CSMD1: variants seen among roughly 807,000 people sequenced by gnomAD.
The protein encoded by CSMD1 is CUB and Sushi multiple domains 1.
In CSMD1, 213 loss-of-function variants were observed where a neutral mutation model predicts 417.5. That is an observed-to-expected ratio of 0.51 (90% CI 0.46 to 0.57). CSMD1 has a LOEUF of 0.57. Among genes scored for constraint, CSMD1 ranks in the 20% least tolerant of loss-of-function variants. The probability of loss-of-function intolerance (pLI) is 0.00; values close to 1 mark genes in which losing one functional copy is unlikely to be tolerated. For missense variants in CSMD1, 6,923 were observed against 4,529.7 expected (o/e 1.53, Z -15.17); for synonymous variants, 2,862 against 1,736.8 (o/e 1.65, Z -16.11).
At chr8:3,974,587 T>G (rs1214564011) in intron 5 of CSMD1, among the ~76,000 whole-genome samples, 1 of 152,068 alleles carries the variant, frequency 6.6e-6, no homozygotes, top group Non-Finnish European at 1.5e-5. Context: ...CAATCCTTTT[T>G]CTAATAACAA....
chr8:3,801,611 C>T (rs1256897090), intron 5 of CSMD1, among the ~76,000 whole-genome samples: 1 of 148,930 alleles, frequency 6.7e-6, no homozygotes, highest in Non-Finnish European at 1.5e-5. Context: ...TAAAGAATTC[C>T]ACTCCTAGTT....
chr8:3,740,208 T>G (rs1039994726), intron 6 of CSMD1, among the ~76,000 whole-genome samples: 1 of 152,162 alleles, frequency 6.6e-6, no homozygotes, highest in African/African-American at 2.4e-5. Flanking sequence ...CAGGTTCAAG[T>G]GAGTCTCCTG....
At chr8:4,482,932 T>G (rs532440339) in intron 2 of CSMD1, among the ~76,000 whole-genome samples, 3 of 152,264 alleles carry the variant, frequency 2.0e-5, no homozygotes, top group Admixed American at 2.0e-4. Flanking sequence ...TTAGTAAGTA[T>G]GGGAGGCGTA....
chr8:3,366,683 G>C (rs1442250266), intron 20 of CSMD1, among the ~76,000 whole-genome samples: 2 of 152,172 alleles, frequency 1.3e-5, no homozygotes, highest in African/African-American at 4.8e-5. Flanking sequence ...CAGACCCAGA[G>C]GATGCCTCCC....
chr8:3,581,763 A>G (rs1420154247), intron 9 of CSMD1, among the ~76,000 whole-genome samples: 1 of 152,162 alleles, frequency 6.6e-6, no homozygotes, highest in African/African-American at 2.4e-5. Context: ...AGAGGCTAAG[A>G]ATGAATCAGG....
At chr8:3,330,142 T>C (rs115986637) in intron 23 of CSMD1, among the ~76,000 whole-genome samples, 1,673 of 152,198 alleles carry the variant, frequency 0.011, 39 homozygotes, top group African/African-American at 0.038. Context: ...GAAATGTCAT[T>C]CAAGAGATTT....
At chr8:4,705,156 C>T (rs1807844787) in intron 1 of CSMD1, among the ~76,000 whole-genome samples, 2 of 152,074 alleles carry the variant, frequency 1.3e-5, no homozygotes, top group African/African-American at 2.4e-5. Flanking sequence ...TTCCTCCTTC[C>T]CCTTCACCAT....
chr8:3,411,948 A>G (rs370911629), intron 12 of CSMD1, among the ~76,000 whole-genome samples: 690 of 13,142 alleles, frequency 0.053, 106 homozygotes, highest in Non-Finnish European at 0.07. Flanking sequence ...ATATGCACGT[A>G]TATATACACG....
rs74705747 is a variant in CSMD1, at chr8:3,677,756, G to T, written c.1009+30658C>A. The stretch of plus-strand genomic sequence containing the variant: ...AAAAAAGCCCTAAACTTTGTAAAAC[G>T]GAAATGAAAACTTCTATCCAGAGTA... On this transcript the variant is annotated intron_variant, in intron 7 of 69. Coordinates refer to ENST00000635120, the MANE Select transcript of CSMD1 (RefSeq NM_033225.6). Among the ~76,000 whole-genome samples the T allele has an allele frequency of 4.7e-3, 709 of 152,154 alleles. 9 individuals carry two copies. The highest frequency in any genetic ancestry group is 0.016 in the African/African-American group (673 of 41,496).
chr8:3,112,939 C>G (rs1816613931), intron 42 of CSMD1: 1 of 152,200 alleles, frequency 6.6e-6, no homozygotes, highest in Admixed American at 6.5e-5. Flanking sequence ...TCTCATTTCC[C>G]CTGGCCTGAT....
chr8:4,383,297 G>A (rs1264330437), intron 3 of CSMD1, among the ~76,000 whole-genome samples: 1 of 152,182 alleles, frequency 6.6e-6, no homozygotes, highest in Non-Finnish European at 1.5e-5. Context: ...AGATAAGAAT[G>A]TTAGGCGGTG....
At chr8:3,878,720 G>C (rs1168524948) in intron 5 of CSMD1, among the ~76,000 whole-genome samples, 3 of 152,138 alleles carry the variant, frequency 2.0e-5, no homozygotes, top group Non-Finnish European at 4.4e-5. Flanking sequence ...GAGACACTGT[G>C]TCATGGGAAA....
At chr8:4,710,101 A>C (rs960055294) in intron 1 of CSMD1, among the ~76,000 whole-genome samples, 5 of 152,102 alleles carry the variant, frequency 3.3e-5, no homozygotes, top group Admixed American at 6.5e-5. Flanking sequence ...GCCCAAGGAA[A>C]AGCAAGTTCT....
At chr8:4,210,652 A>G (rs1353544475) in intron 3 of CSMD1, among the ~76,000 whole-genome samples, 11 of 152,216 alleles carry the variant, frequency 7.2e-5, no homozygotes, top group Admixed American at 2.0e-4. Flanking sequence ...TAGCCAAGAA[A>G]AAAAAACACT....
chr8:3,656,160 T>C (rs1798092999), intron 7 of CSMD1, among the ~76,000 whole-genome samples: 1 of 152,170 alleles, frequency 6.6e-6, no homozygotes, highest in Non-Finnish European at 1.5e-5. Context: ...GGAAGGGCTG[T>C]ATGTACAGCT....
intron 68 of CSMD1, among the ~76,000 whole-genome samples, chr8:2,945,036 T>A (rs1012550801): frequency 1.3e-5 from 2 of 151,618 alleles, no homozygotes; most frequent in African/African-American, 4.9e-5. Flanking sequence ...CTGCAGCTCC[T>A]AGTTAATTTC....
chr8:3,897,054 G>T (rs1208810926), intron 5 of CSMD1, among the ~76,000 whole-genome samples: 1 of 151,808 alleles, frequency 6.6e-6, no homozygotes, highest in African/African-American at 2.4e-5. Flanking sequence ...TTTATTAAGG[G>T]AAATTATTGT....
At position 4,380,844 on chromosome 8, in the gene CSMD1, T is replaced by G. The variant is rs144006319; in HGVS notation, c.415+39109A>C. ...ATTTAGAATGTTTCTGTGTTTAATA[T>G]CTCATTATTTTATTAGTATATTACT... On this transcript the variant is annotated intron_variant, in intron 3 of 69. Transcript: ENST00000635120. Among the ~76,000 whole-genome samples, 92 of 152,296 alleles carry G rather than the reference T, an allele frequency of 6.0e-4. No homozygotes were observed. In the East Asian group the frequency reaches 7.1e-3, roughly 12 times the overall value.
intron 6 of CSMD1, among the ~76,000 whole-genome samples, chr8:3,725,884 C>G (rs1196731686): frequency 6.6e-6 from 1 of 152,110 alleles, no homozygotes; most frequent in Non-Finnish European, 1.5e-5. Flanking sequence ...TTAAACATGC[C>G]CTTGAAAAGA....
Sources: allele counts gnomAD v4.1 joint callset (sites outside exome capture counted in the v4.1 genomes callset), GRCh38; gene constraint gnomAD v4.1.1; transcripts MANE v1.5; gene names NCBI Gene and HGNC (gene_info 2026-07-23, HGNC 2026-07-21).